PDE3A: variants seen among roughly 807,000 people sequenced by gnomAD.
PDE3A encodes the protein cGMP-inhibited 3',5'-cyclic phosphodiesterase 3A.
Under a neutral mutation model 98.3 loss-of-function variants are expected in PDE3A, and 43 were observed. That is an observed-to-expected ratio of 0.44 (90% confidence interval 0.34 to 0.56). PDE3A has a LOEUF of 0.56. PDE3A is among the 20% of genes least tolerant of loss of function. PDE3A has a pLI of 0.01. For missense variants in PDE3A, 1,427 were observed against 1,440.7 expected (o/e 0.99, Z 0.15); for synonymous variants, 663 against 567.9 (o/e 1.17, Z -2.38).
chr12:20,393,998 C>A (rs547146315), intron 1 of PDE3A, among the ~76,000 whole-genome samples: 2 of 151,996 alleles, frequency 1.3e-5, no homozygotes, highest in South Asian at 2.1e-4. Flanking sequence ...GTTTACAAAT[C>A]GCAGCTCTAT....
At chr12:20,536,186 A>G (rs1941744039) in intron 1 of PDE3A, among the ~76,000 whole-genome samples, 2 of 152,124 alleles carry the variant, frequency 1.3e-5, no homozygotes, top group Admixed American at 1.3e-4. Flanking sequence ...GCTTATACAT[A>G]TTGTTTAATA....
chr12:20,505,565 C>T (rs986990054), intron 1 of PDE3A, among the ~76,000 whole-genome samples: 33 of 151,968 alleles, frequency 2.2e-4, no homozygotes, highest in African/African-American at 7.7e-4. Flanking sequence ...CTGAAAAGAA[C>T]TCAGTGTTTA....
rs1943473371 is a variant in PDE3A at position 20,371,419 on chromosome 12, C to G, written c.960+1175C>G. The stretch of plus-strand genomic sequence containing the variant: ...TTACATTTTTCCCTTTAAATTAATG[C>G]CTACCTGTGGTACTATTAGGACAAC... On this transcript the variant is annotated intron_variant, in intron 1 of 15. Coordinates refer to ENST00000359062, the MANE Select transcript of PDE3A (RefSeq NM_000921.5). The G allele has an allele frequency of 3.1e-6, 3 of 981,676 alleles. No individual in the cohort carries two copies. The African/African-American group carries it at 5.2e-5, about 17-fold the overall frequency. The allele number at this position is 981,676 out of a possible 1,614,324, so 60.8% of individuals were successfully genotyped here.
In PDE3A at chr12:20,601,553, G is replaced by C. The variant is rs550850993; in HGVS notation, c.1012-11890G>C. The stretch of plus-strand genomic sequence containing the variant: ...TTAATCACAGTAGAAAATTACATGT[G>C]GGAAAATGTTAATCAAATTGTGCAT... On this transcript the variant is annotated intron_variant, in intron 2 of 15. Transcript: ENST00000359062. 2.0e-3 allele frequency among the ~76,000 whole-genome samples: 311 copies of C among 152,234 alleles called. 1 individual carries two copies. Among genetic ancestry groups the C allele is most frequent in the Middle Eastern group, 3.4e-3 (1 of 294 alleles).
intron 1 of PDE3A, among the ~76,000 whole-genome samples, chr12:20,465,016 T>G (rs1404886024): frequency 6.6e-6 from 1 of 152,220 alleles, no homozygotes; most frequent in Non-Finnish European, 1.5e-5. Context: ...AAAATGAAAT[T>G]AGAAGTTTAG....
chr12:20,397,398 C>T (rs900159516), intron 1 of PDE3A, among the ~76,000 whole-genome samples: 7 of 151,932 alleles, frequency 4.6e-5, no homozygotes, highest in Non-Finnish European at 1.0e-4. Context: ...TCTCAATAAA[C>T]GTTTTGAGCC....
intron 1 of PDE3A, among the ~76,000 whole-genome samples, chr12:20,540,658 T>C (rs1259771355): frequency 6.6e-6 from 1 of 152,102 alleles, no homozygotes; most frequent in East Asian, 1.9e-4. Flanking sequence ...TGTGTTTCTG[T>C]TCATGTTTAT....
rs77521542 is a variant in PDE3A at position 20,493,337 on chromosome 12, A to G, written c.961-63323A>G. ...GGATTCAACCAATTGTGAATAGAAA[A>G]TATTAGAAAAAATAACAGTACAACA... On this transcript the variant is annotated intron_variant, in intron 1 of 15. Coordinates refer to ENST00000359062, the MANE Select transcript of PDE3A (RefSeq NM_000921.5). Among the ~76,000 whole-genome samples the G allele has an allele frequency of 6.5e-3, 997 of 152,254 alleles. 18 individuals are homozygous for G. Among genetic ancestry groups the G allele is most frequent in the African/African-American group, 0.022 (901 of 41,536 alleles).
intron 15 of PDE3A, among the ~76,000 whole-genome samples, chr12:20,669,090 A>G (rs1945399302): frequency 1.3e-5 from 2 of 151,074 alleles, no homozygotes; most frequent in Non-Finnish European, 2.9e-5. Context: ...ACTGGAAGAA[A>G]CGGTATCAGC....
intron 1 of PDE3A, among the ~76,000 whole-genome samples, chr12:20,544,405 T>C (rs1379645370): frequency 6.6e-6 from 1 of 151,766 alleles, no homozygotes; most frequent in African/African-American, 2.4e-5. Flanking sequence ...TTACGAAGGA[T>C]TTTCAGAGAC....
chr12:20,398,088 T>C (rs2120645283), intron 1 of PDE3A, among the ~76,000 whole-genome samples: 1 of 150,414 alleles, frequency 6.6e-6, no homozygotes, highest in Non-Finnish European at 1.5e-5. Context: ...CACCATCTGA[T>C]TCAGTCTAAC....
At position 20,663,690 on chromosome 12, in the gene PDE3A, T is replaced by A. The variant is rs149550976; in HGVS notation, c.3184+9485T>A. Among the ~76,000 whole-genome samples the A allele has an allele frequency of 3.3e-4, 50 of 152,318 alleles. 1 individual carries two copies. The East Asian group carries it at 9.3e-3, about 28-fold the overall frequency. On this transcript the variant is annotated intron_variant, in intron 15 of 15. Coordinates refer to ENST00000359062, the MANE Select transcript of PDE3A (RefSeq NM_000921.5). ...TTACCCAGTGCCTGTACCATCATTG[T>A]ATCTGGGAAGTAACTAACTTGCTTT...
At chr12:20,636,383 C>T (rs1944515022) in intron 8 of PDE3A, among the ~76,000 whole-genome samples, 1 of 152,124 alleles carries the variant, frequency 6.6e-6, no homozygotes, top group African/African-American at 2.4e-5. Context: ...GAGAGATCGT[C>T]AGGTAAAATA....
intron 1 of PDE3A, among the ~76,000 whole-genome samples, chr12:20,526,430 T>TG (rs1175544061): frequency 6.6e-6 from 1 of 152,204 alleles, no homozygotes; most frequent in Non-Finnish European, 1.5e-5. Context: ...AAAACTCACT[T>TG]GAAAATCATT....
chr12:20,519,465 T>G (rs567715186), intron 1 of PDE3A, among the ~76,000 whole-genome samples: 2 of 152,316 alleles, frequency 1.3e-5, no homozygotes, highest in Admixed American at 1.3e-4. Context: ...TAATAAAGGA[T>G]AGTGAATAAA....
intron 1 of PDE3A, among the ~76,000 whole-genome samples, chr12:20,407,765 G>A (rs867462688): frequency 6.6e-6 from 1 of 151,848 alleles, no homozygotes; most frequent in Non-Finnish European, 1.5e-5. Context: ...GCTTTCATAT[G>A]TTTTTCATAG....
At chr12:20,622,766 TA>T (rs1944167901) in intron 5 of PDE3A, among the ~76,000 whole-genome samples, 1 of 152,084 alleles carries the variant, frequency 6.6e-6, no homozygotes, top group African/African-American at 2.4e-5. Context: ...AAAGGGGTGC[TA>T]AAGTGATTTT....
rs139040861 is a variant in PDE3A, at chr12:20,513,296, G to C, written c.961-43364G>C. ...AATACAGTACGTTAGAAATATTTGTGGGTGTTGAGTAAAACCAGAGAAAAT... is the reference window on the plus strand; with the variant it reads ...AATACAGTACGTTAGAAATATTTGTCGGTGTTGAGTAAAACCAGAGAAAAT... On this transcript the variant is annotated intron_variant, in intron 1 of 15. Coordinates refer to ENST00000359062, the MANE Select transcript of PDE3A (RefSeq NM_000921.5). 4.0e-3 allele frequency among the ~76,000 whole-genome samples: 613 copies of C among 152,204 alleles called. 2 individuals carry two copies. The highest frequency in any genetic ancestry group is 0.014 in the African/African-American group (593 of 41,532).
chr12:20,503,984 A>T (rs1946069454), intron 1 of PDE3A, among the ~76,000 whole-genome samples: 1 of 152,110 alleles, frequency 6.6e-6, no homozygotes, highest in Non-Finnish European at 1.5e-5. Flanking sequence ...TTGATTCATA[A>T]TCTAAATTTA....
Sources: allele counts gnomAD v4.1 joint callset (sites outside exome capture counted in the v4.1 genomes callset), GRCh38; gene constraint gnomAD v4.1.1; transcripts MANE v1.5; gene names NCBI Gene and HGNC (gene_info 2026-07-23, HGNC 2026-07-21).